The following SLC26A7 variants were observed in gnomAD, a reference collection of about 807,000 sequenced individuals.
The protein encoded by SLC26A7 is solute carrier family 26 member 7, also known as anion exchange transporter.
In SLC26A7, 59 loss-of-function variants were observed where a neutral mutation model predicts 82.5. The observed-to-expected ratio is 0.72, with a 90% CI of 0.58 to 0.89. The LOEUF (loss-of-function observed/expected upper bound fraction) is 0.89, where lower values mean the gene tolerates loss of function less well. SLC26A7 is among the 40% of genes least tolerant of loss of function. The probability of loss-of-function intolerance (pLI) is 0.00; values close to 1 mark genes in which losing one functional copy is unlikely to be tolerated. For missense variants in SLC26A7, 820 were observed against 793.0 expected, an observed-to-expected ratio of 1.03 and a Z score of -0.41; for synonymous variants, 271 against 274.3, an observed-to-expected ratio of 0.99 and a Z score of 0.12.
At chr8:91,279,650 C>T (rs988023517) in intron 2 of SLC26A7, among the ~76,000 whole-genome samples, 1 of 138,212 alleles carries the variant, frequency 7.2e-6, no homozygotes, top group Non-Finnish European at 1.6e-5. Flanking sequence ...AGCTCCGCCT[C>T]CCGGGTTCAC....
chr8:91,284,621 A>G (rs1811661731), intron 2 of SLC26A7, among the ~76,000 whole-genome samples: 1 of 152,182 alleles, frequency 6.6e-6, no homozygotes. Context: ...CACAATTTCT[A>G]GTGTTGGTAC....
At chr8:91,321,821 A>AT (rs962128671) in intron 5 of SLC26A7, among the ~76,000 whole-genome samples, 3 of 151,996 alleles carry the variant, frequency 2.0e-5, no homozygotes, top group Admixed American at 6.6e-5. Flanking sequence ...AAAAATTATT[A>AT]TTTTTTCTCT....
At chr8:91,370,259 C>T (rs1396601977) in intron 15 of SLC26A7, among the ~76,000 whole-genome samples, 1 of 150,090 alleles carries the variant, frequency 6.7e-6, no homozygotes, top group East Asian at 1.9e-4. Context: ...TCCCTGTTCT[C>T]TCTTCAATCT....
intron 5 of SLC26A7, among the ~76,000 whole-genome samples, chr8:91,327,068 A>G (rs1051960524): frequency 1.3e-5 from 2 of 152,140 alleles, no homozygotes; most frequent in Non-Finnish European, 2.9e-5. Flanking sequence ...ATTTTTCCAT[A>G]TAAGGTGACA....
At chr8:91,378,931 A>G (rs1470844737) in intron 15 of SLC26A7, among the ~76,000 whole-genome samples, 1 of 152,120 alleles carries the variant, frequency 6.6e-6, no homozygotes, top group Non-Finnish European at 1.5e-5. Flanking sequence ...AAATATAAAA[A>G]TAATACACTA....
chr8:91,293,050 T>G lies in SLC26A7; in HGVS notation c.305-2481T>G, dbSNP rs139885218. 2.1e-3 allele frequency among the ~76,000 whole-genome samples: 323 copies of G among 152,344 alleles called. 4 individuals are homozygous for G. The highest frequency in any genetic ancestry group is 8.3e-3 in the East Asian group (43 of 5,192). ...GACTTGAGACAGTGTTTTTTTAAAA[T>G]ATGAAATCTCATTTATTCTCTATCA... On this transcript the variant is annotated intron_variant, in intron 3 of 18. Transcript: ENST00000276609.
intron 5 of SLC26A7, 112 bp from the exon 6 acceptor site, chr8:91,334,183 A>G: frequency 1.0e-6 from 1 of 993,850 alleles, no homozygotes; most frequent in East Asian, 2.5e-5. Flanking sequence ...TCCTCTCCCT[A>G]GCCATTAAGA....
chr8:91,221,782 T>C (rs1189260419), intron 2 of SLC26A7, among the ~76,000 whole-genome samples: 1 of 152,220 alleles, frequency 6.6e-6, no homozygotes, highest in Non-Finnish European at 1.5e-5. Flanking sequence ...GTCCTTGTAG[T>C]ATAGTTTGAA....
intron 5 of SLC26A7, among the ~76,000 whole-genome samples, chr8:91,331,164 A>G (rs1019666797): frequency 1.4e-4 from 21 of 152,154 alleles, no homozygotes; most frequent in Non-Finnish European, 2.9e-4. Context: ...TGTCTCCAGT[A>G]TAGTCACATT....
At chr8:91,275,886 G>A (rs756540996) in intron 2 of SLC26A7, among the ~76,000 whole-genome samples, 6 of 152,212 alleles carry the variant, frequency 3.9e-5, no homozygotes, top group Non-Finnish European at 7.4e-5. Context: ...TTAGCGTTGT[G>A]TGCCTTTTCC....
At chr8:91,260,361 T>C (rs890933989) in intron 2 of SLC26A7, among the ~76,000 whole-genome samples, 8 of 152,126 alleles carry the variant, frequency 5.3e-5, no homozygotes, top group Non-Finnish European at 1.2e-4. Flanking sequence ...CCTCCTACCA[T>C]ATCCCTCCCT....
intron 9 of SLC26A7, among the ~76,000 whole-genome samples, chr8:91,344,743 A>G (rs1813514621): frequency 6.6e-6 from 1 of 152,218 alleles, no homozygotes; most frequent in African/African-American, 2.4e-5. Flanking sequence ...GACACAAGTA[A>G]TCTGACAGAT....
chr8:91,324,746 C>T (rs1329036837), intron 5 of SLC26A7, among the ~76,000 whole-genome samples: 1 of 152,122 alleles, frequency 6.6e-6, no homozygotes, highest in East Asian at 1.9e-4. Context: ...GGAAACAAGG[C>T]GGTGTGATTG....
chr8:91,281,642 TC>T (rs778347253), intron 2 of SLC26A7, among the ~76,000 whole-genome samples: 6 of 152,240 alleles, frequency 3.9e-5, no homozygotes, highest in Non-Finnish European at 8.8e-5. Context: ...TGTGAAAGTT[TC>T]CCAAGCCACT....
intron 2 of SLC26A7, among the ~76,000 whole-genome samples, chr8:91,250,668 ACACTGCAGG>A (rs1434310241): frequency 6.6e-6 from 1 of 152,152 alleles, no homozygotes; most frequent in African/African-American, 2.4e-5. Context: ...CTTGGCATAG[ACACTGCAGG>A]CTTATATTTC....
intron 4 of SLC26A7, among the ~76,000 whole-genome samples, chr8:91,314,084 C>T (rs1812563515): frequency 1.3e-5 from 2 of 152,142 alleles, no homozygotes; most frequent in Non-Finnish European, 2.9e-5. Context: ...ATCAGCATTA[C>T]TACAAACAGC....
rs1162646571 is a variant in SLC26A7, at chr8:91,397,545, A to G, written c.*2448A>G. On this transcript the variant is annotated 3_prime_UTR_variant, in exon 19 of 19. Transcript: ENST00000276609. ...TGTTAAGGACCTAATAGAGTGACATATATAAATTAAGCATAAAATATGTAA... is the reference window on the plus strand; with the variant it reads ...TGTTAAGGACCTAATAGAGTGACATGTATAAATTAAGCATAAAATATGTAA... The G allele has an allele frequency of 2.0e-5, 3 of 152,554 alleles. No homozygotes were observed. The highest frequency in any genetic ancestry group is 4.4e-5 in the Non-Finnish European group (3 of 67,960). 9.5% of individuals were successfully genotyped at this position (152,554 alleles called of 1,614,324 possible). A position where few individuals can be genotyped will look rare whatever the true frequency, so the allele number is the denominator to read the frequency against.
chr8:91,268,621 CACT>C (rs1811179059), intron 2 of SLC26A7, among the ~76,000 whole-genome samples: 1 of 151,744 alleles, frequency 6.6e-6, no homozygotes, highest in Admixed American at 6.6e-5. Flanking sequence ...GATAGTGACA[CACT>C]GTCTGTGTGT....
At chr8:91,232,908 G>C (rs1331583209) in intron 2 of SLC26A7, among the ~76,000 whole-genome samples, 1 of 152,156 alleles carries the variant, frequency 6.6e-6, no homozygotes, top group East Asian at 1.9e-4. Flanking sequence ...TCCAAGAAAG[G>C]CTATGCATTT....
Sources: gnomAD v4.1 joint callset for allele counts (sites outside exome capture counted in the v4.1 genomes callset) on GRCh38, gnomAD v4.1.1 for gene constraint, MANE v1.5 for transcripts, NCBI Gene and HGNC (gene_info 2026-07-23, HGNC 2026-07-21) for gene names.